The following MAOB variants were observed in gnomAD, a reference collection of about 807,000 sequenced individuals.
MAOB encodes the protein monoamine oxidase B, also known as amine oxidase [flavin-containing] B.
Under a neutral mutation model 41.9 loss-of-function variants are expected in MAOB, and 15 were observed. That is an observed-to-expected ratio of 0.36 (90% CI 0.24 to 0.55). The LOEUF (loss-of-function observed/expected upper bound fraction) is 0.55. MAOB is among the 20% of genes least tolerant of loss of function. MAOB has a pLI of 0.86. For missense variants in MAOB, 345 were observed against 398.7 expected, an observed-to-expected ratio of 0.87 and a Z score of 1.15; for synonymous variants, 167 against 144.2, an observed-to-expected ratio of 1.16 and a Z score of -1.13.
At chrX:43,797,054 T>C in intron 6 of MAOB, 71 bp downstream of exon 6, 2 of 1,052,729 alleles carry the variant, frequency 1.9e-6, no homozygotes, top group East Asian at 3.2e-5. Context: ...CAGTTCATGA[T>C]TGAAGGATGA....
At chrX:43,786,968 T>C (rs1442302005) in intron 8 of MAOB, among the ~76,000 whole-genome samples, 1 of 111,668 alleles carries the variant, frequency 9.0e-6, no homozygotes, top group African/African-American at 3.3e-5. Context: ...AAACATCTCA[T>C]CAGCTTTGTA....
At chrX:43,826,843 T>C (rs1236621539) in intron 3 of MAOB, among the ~76,000 whole-genome samples, 1 of 111,905 alleles carries the variant, frequency 8.9e-6, no homozygotes, top group Non-Finnish European at 1.9e-5. Context: ...TAATCACCTC[T>C]TAAAAGTCCC....
At chrX:43,835,616 A>T (rs1274507905) in intron 3 of MAOB, among the ~76,000 whole-genome samples, 1 of 112,314 alleles carries the variant, frequency 8.9e-6, no homozygotes, top group Non-Finnish European at 1.9e-5. Context: ...CTGACAGATC[A>T]GATCAAGACA....
chrX:43,855,384 A>G (rs1215927784), intron 1 of MAOB, among the ~76,000 whole-genome samples: 1 of 110,401 alleles, frequency 9.1e-6, no homozygotes, highest in Non-Finnish European at 1.9e-5. Context: ...ACTCATGCTC[A>G]GTGTCTAGCA....
chrX:43,833,116 C>T (rs1378979745), intron 3 of MAOB, among the ~76,000 whole-genome samples: 1 of 111,715 alleles, frequency 9.0e-6, no homozygotes, highest in Non-Finnish European at 1.9e-5. Flanking sequence ...TCAACTCATG[C>T]TCTGACCCCA....
At chrX:43,817,761 C>A (rs2034835412) in intron 3 of MAOB, among the ~76,000 whole-genome samples, 3 of 112,218 alleles carry the variant, frequency 2.7e-5, no homozygotes, top group Admixed American at 9.5e-5. Context: ...ACCTGTCACT[C>A]CCTCTTTCAA....
chrX:43,855,425 T>A (rs1375933291), intron 1 of MAOB, among the ~76,000 whole-genome samples: 1 of 110,707 alleles, frequency 9.0e-6, no homozygotes, highest in Non-Finnish European at 1.9e-5. Context: ...TGTGTGTGTA[T>A]GTGTGTATGT....
chrX:43,865,703 T>C (rs2035360553), intron 1 of MAOB, among the ~76,000 whole-genome samples: 1 of 110,947 alleles, frequency 9.0e-6, no homozygotes. Context: ...TTGTCGATGT[T>C]ATACCCATAT....
In MAOB at chrX:43,863,998, T is replaced by C. The variant is rs2035349783; in HGVS notation, c.46+18256A>G. Among the ~76,000 whole-genome samples the C allele has an allele frequency of 2.7e-5, 3 of 111,758 alleles. No homozygotes were observed. In the Admixed American group the frequency reaches 2.9e-4, roughly 11 times the overall value. ...CCAATACATCTCTATTAGATTACAG[T>C]GTAAATCTTGGAATTTAATAACATT... is the stretch of plus-strand genomic sequence containing the variant. On this transcript the variant is annotated intron_variant, in intron 1 of 14. Coordinates refer to ENST00000378069, the MANE Select transcript of MAOB (RefSeq NM_000898.5).
intron 12 of MAOB, among the ~76,000 whole-genome samples, chrX:43,773,424 C>T (rs752529138): frequency 1.7e-4 from 19 of 112,675 alleles, no homozygotes; most frequent in Non-Finnish European, 3.4e-4. Context: ...CACCCTAGCC[C>T]TCAACACTGT....
intron 5 of MAOB, among the ~76,000 whole-genome samples, chrX:43,800,195 C>T (rs899867261): frequency 9.0e-6 from 1 of 110,686 alleles, no homozygotes; most frequent in Non-Finnish European, 1.9e-5. Context: ...AGGACTAGGC[C>T]AAGGGCTACG....
At chrX:43,814,593 G>A (rs1474305508) in intron 3 of MAOB, among the ~76,000 whole-genome samples, 5 of 111,608 alleles carry the variant, frequency 4.5e-5, no homozygotes, top group African/African-American at 1.6e-4. Context: ...TTCCATGTGG[G>A]TATGTCTTCC....
intron 1 of MAOB, among the ~76,000 whole-genome samples, chrX:43,876,344 A>C (rs960998139): frequency 3.6e-5 from 4 of 112,568 alleles, no homozygotes; most frequent in Non-Finnish European, 7.5e-5. Flanking sequence ...ATGCAGTCAC[A>C]TTCCATCATG....
rs1005859489 is a variant in MAOB at position 43,854,199 on chromosome X, A to C, written c.47-10435T>G. ...TGGGAAATGGGGCATTAGCCCAAACAGATGTTAAGTAAGCAGTTGGGTGAG... is the reference window on the plus strand; with the variant it reads ...TGGGAAATGGGGCATTAGCCCAAACCGATGTTAAGTAAGCAGTTGGGTGAG... On this transcript the variant is annotated intron_variant, in intron 1 of 14. Transcript: ENST00000378069. 2.7e-5 allele frequency among the ~76,000 whole-genome samples: 3 copies of C among 112,067 alleles called. No homozygotes were observed. In the South Asian group the frequency reaches 1.1e-3, roughly 42 times the overall value.
At chrX:43,869,736 C>T (rs905477798) in intron 1 of MAOB, among the ~76,000 whole-genome samples, 1 of 112,059 alleles carries the variant, frequency 8.9e-6, no homozygotes, top group Non-Finnish European at 1.9e-5. Flanking sequence ...TCTGGACATG[C>T]TGATTCAAAA....
chrX:43,799,338 T>A (rs963300288), intron 5 of MAOB, among the ~76,000 whole-genome samples: 9 of 112,310 alleles, frequency 8.0e-5, no homozygotes, highest in African/African-American at 2.9e-4. Context: ...AAAATAAAAG[T>A]AGTATTTTAT....
intron 3 of MAOB, chrX:43,837,974 G>C (rs1229348737): frequency 3.0e-6 from 1 of 331,242 alleles, no homozygotes. Flanking sequence ...AGGACCAGCA[G>C]CATGGTGGGA....
At chrX:43,857,108 TATATATATAGAG>T (rs1489246339) in intron 1 of MAOB, among the ~76,000 whole-genome samples, 6 of 24,070 alleles carry the variant, frequency 2.5e-4, no homozygotes, top group African/African-American at 1.1e-3. Context: ...TATATATATA[TATATATATAGAG>T]AGAGAGAGAG....
chrX:43,768,464 A>G (rs1182824726), intron 14 of MAOB, among the ~76,000 whole-genome samples, 190 bp downstream of exon 14: 1 of 111,731 alleles, frequency 9.0e-6, no homozygotes, highest in Admixed American at 9.5e-5. Flanking sequence ...TGACAGCTAC[A>G]AATTTATCAA....
Sources: allele counts gnomAD v4.1 joint callset (sites outside exome capture counted in the v4.1 genomes callset), GRCh38; gene constraint gnomAD v4.1.1; transcripts MANE v1.5; gene names NCBI Gene and HGNC (gene_info 2026-07-23, HGNC 2026-07-21).